FBN2: variants seen among roughly 807,000 people sequenced by gnomAD.
The protein encoded by FBN2 is fibrillin-2.
A neutral mutation model predicts 355.6 loss-of-function variants in FBN2; 105 were observed. The ratio of observed to expected loss-of-function variants is 0.30; its 90% confidence interval spans 0.25 to 0.35. FBN2 has a LOEUF of 0.35. Ranked by LOEUF, FBN2 falls within the 10% of genes least tolerant of loss-of-function variation. The probability of loss-of-function intolerance (pLI) is 1.00; values close to 1 mark genes in which losing one functional copy is unlikely to be tolerated. For missense variants in FBN2, 3,280 were observed against 3,758.7 expected, an observed-to-expected ratio of 0.87 and a Z score of 3.33; for synonymous variants, 1,350 against 1,301.2, an observed-to-expected ratio of 1.04 and a Z score of -0.81.
intron 55 of FBN2, among the ~76,000 whole-genome samples, chr5:128,281,852 A>T (rs1380287254): frequency 6.6e-6 from 1 of 151,842 alleles, no homozygotes; most frequent in African/African-American, 2.4e-5. Context: ...CGCCCAGCTA[A>T]TTTTTTTATT....
chr5:128,361,845 A>G lies in FBN2; in HGVS notation c.2432T>C (p.Ile811Thr), dbSNP rs544870772. ...PDASGRNCIDIDECLVNRLLC... is the reference protein window; with the variant it reads ...PDASGRNCIDTDECLVNRLLC... Reference sequence around the variant, plus strand: ...CAGTCTGTTTACTAAACATTCATCAATGTCTGAAAGCAACGATTGAAAGAT... The same window carrying G: ...CAGTCTGTTTACTAAACATTCATCAGTGTCTGAAAGCAACGATTGAAAGAT... Residue 811 changes from isoleucine (I) to threonine (T), a missense_variant, in exon 19 of 65, where the codon ATT (isoleucine) becomes ACT (threonine). By Grantham distance (89) the Ile-to-Thr change is moderately conservative (BLOSUM62 -1). Coordinates refer to ENST00000262464, the MANE Select transcript of FBN2 (RefSeq NM_001999.4). 2.8e-5 allele frequency: 46 copies of G among 1,614,056 alleles called. 1 individual carries two copies. The South Asian group carries it at 4.6e-4, about 16-fold the overall frequency.
intron 7 of FBN2, among the ~76,000 whole-genome samples, chr5:128,445,051 T>C (rs1419313469): frequency 6.6e-6 from 1 of 152,168 alleles, no homozygotes; most frequent in African/African-American, 2.4e-5. Context: ...CCCTGAGTTT[T>C]TGGTCTAATG....
At chr5:128,383,720 G>C (rs1752295376) in intron 11 of FBN2, among the ~76,000 whole-genome samples, 2 of 152,010 alleles carry the variant, frequency 1.3e-5, no homozygotes, top group African/African-American at 4.8e-5. Context: ...CTTTTTATGT[G>C]AATCATTAGA....
intron 6 of FBN2, among the ~76,000 whole-genome samples, chr5:128,455,280 T>G (rs554180565): frequency 2.8e-4 from 42 of 152,364 alleles, no homozygotes; most frequent in South Asian, 2.7e-3. Flanking sequence ...TGTTTTATGA[T>G]AGCTTAAATT....
intron 19 of FBN2, among the ~76,000 whole-genome samples, chr5:128,359,508 T>C (rs1751585250): frequency 6.6e-6 from 1 of 152,066 alleles, no homozygotes; most frequent in African/African-American, 2.4e-5. Context: ...GAAATAACAG[T>C]TATTTGGTTA....
At chr5:128,336,917 CAAG>C (rs1401202527) in intron 27 of FBN2, among the ~76,000 whole-genome samples, 12 of 152,104 alleles carry the variant, frequency 7.9e-5, no homozygotes, top group Admixed American at 2.0e-4. Flanking sequence ...TCAAAATAAC[CAAG>C]AAGATTATAT....
Position 128,344,401 on chromosome 5 carries a change from C to T in FBN2, c.3327G>A (p.Glu1109=). The part of the protein sequence containing the change: ...RCNSGFALDM[E]ERNCTDIDEC... ...CCATCTTACCCGTGCAGTTTCTTTC[C>T]TCCATGTCTAGAGCAAAGCCACTAT... Residue 1109 remains glutamate, a synonymous_variant, in exon 25 of 65, where the codon GAG becomes GAA. Transcript: ENST00000262464. The T allele has an allele frequency of 1.2e-6, 2 of 1,614,060 alleles. No homozygotes were observed. The highest frequency in any genetic ancestry group is 1.7e-6 in the Non-Finnish European group (2 of 1,179,946).
At chr5:128,322,751 T>C (rs1750419462) in intron 34 of FBN2, among the ~76,000 whole-genome samples, 1 of 151,940 alleles carries the variant, frequency 6.6e-6, no homozygotes, top group Admixed American at 6.6e-5. Flanking sequence ...TTGCTTAGGA[T>C]TATCTGGCTC....
chr5:128,299,054 C>G (rs1008092412), intron 48 of FBN2, among the ~76,000 whole-genome samples: 5 of 152,254 alleles, frequency 3.3e-5, no homozygotes, highest in East Asian at 3.9e-4. Context: ...TTCTAACAGA[C>G]AGGACCCTCA....
intron 34 of FBN2, among the ~76,000 whole-genome samples, chr5:128,325,662 C>T (rs1750524573): frequency 6.6e-6 from 1 of 152,104 alleles, no homozygotes; most frequent in African/African-American, 2.4e-5. Context: ...TTGTTTAGTA[C>T]CTTTTTTCTA....
chr5:128,295,925 G>C (rs1415782619), intron 48 of FBN2, among the ~76,000 whole-genome samples: 3 of 144,450 alleles, frequency 2.1e-5, no homozygotes, highest in Admixed American at 2.1e-4. Flanking sequence ...AGTTTTCAAA[G>C]GGAATGCTTC....
In FBN2 at chr5:128,493,543, A is replaced by G. The variant is rs553157993; in HGVS notation, c.628+25730T>C. Among the ~76,000 whole-genome samples the G allele has an allele frequency of 2.0e-5, 3 of 152,276 alleles. No homozygotes were observed. In the East Asian group the frequency reaches 5.8e-4, roughly 29 times the overall value. Reference sequence around the variant, plus strand: ...TACAATCTAGGGTTCAGAAATATTAATGGGGTATAATCCTTCATAAAGGGC... The same window carrying G: ...TACAATCTAGGGTTCAGAAATATTAGTGGGGTATAATCCTTCATAAAGGGC... On this transcript the variant is annotated intron_variant, in intron 5 of 64. Coordinates refer to ENST00000262464, the MANE Select transcript of FBN2 (RefSeq NM_001999.4).
At chr5:128,319,281 G>A (rs1298787709) in intron 34 of FBN2, among the ~76,000 whole-genome samples, 2 of 151,296 alleles carry the variant, frequency 1.3e-5, no homozygotes, top group Non-Finnish European at 2.9e-5. Flanking sequence ...TTGGCTCAAG[G>A]CACACAAAAT....
chr5:128,337,690 G>A (rs1475858615), intron 27 of FBN2, among the ~76,000 whole-genome samples: 2 of 152,220 alleles, frequency 1.3e-5, no homozygotes, highest in African/African-American at 4.8e-5. Context: ...AACGCACACA[G>A]TAGCTTTCCC....
intron 20 of FBN2, among the ~76,000 whole-genome samples, chr5:128,351,866 CTTCT>C (rs1204223427): frequency 6.7e-6 from 1 of 149,480 alleles, no homozygotes; most frequent in African/African-American, 2.4e-5. Context: ...GCGCCCCGCC[CTTCT>C]TTTTTTTTTT....
chr5:128,261,083 A>G (rs1450633444), intron 64 of FBN2, among the ~76,000 whole-genome samples: 2 of 152,220 alleles, frequency 1.3e-5, no homozygotes, highest in Non-Finnish European at 2.9e-5. Flanking sequence ...TACAGGTGAA[A>G]AAACTGAGGT....
intron 4 of FBN2, among the ~76,000 whole-genome samples, chr5:128,526,372 A>G (rs966172035): frequency 6.6e-6 from 1 of 152,170 alleles, no homozygotes; most frequent in African/African-American, 2.4e-5. Context: ...TACAATTATC[A>G]TGTAATCCAA....
chr5:128,398,921 C>A (rs1471428085), intron 8 of FBN2, among the ~76,000 whole-genome samples: 1 of 152,200 alleles, frequency 6.6e-6, no homozygotes, highest in Non-Finnish European at 1.5e-5. Context: ...GTGCCTTTCA[C>A]CTTGCACCAT....
chr5:128,278,105 T>A, intron 57 of FBN2, 100 bp from the exon 58 acceptor site: 1 of 1,189,676 alleles, frequency 8.4e-7, no homozygotes, highest in Non-Finnish European at 1.2e-6. Flanking sequence ...ATGACATAAC[T>A]AACTGCAAAC....
Sources: allele counts gnomAD v4.1 joint callset (sites outside exome capture counted in the v4.1 genomes callset), GRCh38; gene constraint gnomAD v4.1.1; transcripts MANE v1.5; gene names NCBI Gene and HGNC (gene_info 2026-07-23, HGNC 2026-07-21).